The following ANXA4 variants were observed in gnomAD, a reference collection of about 807,000 sequenced individuals.
ANXA4 encodes the protein 35-beta calcimedin.
A neutral mutation model predicts 49.8 loss-of-function variants in ANXA4; 39 were observed. That is an observed-to-expected ratio of 0.78 (90% CI 0.61 to 1.02). The LOEUF (loss-of-function observed/expected upper bound fraction) is 1.02, where lower values mean the gene tolerates loss of function less well. Among genes scored for constraint, ANXA4 ranks in the 50% least tolerant of loss-of-function variants. The probability of loss-of-function intolerance (pLI) is 0.00; values close to 1 mark genes in which losing one functional copy is unlikely to be tolerated. For missense variants in ANXA4, 360 were observed against 410.1 expected (o/e 0.88, Z 1.05); for synonymous variants, 134 against 152.5 (o/e 0.88, Z 0.89).
At chr2:69,705,712 A>T (rs1037183341) in intron 2 of ANXA4, among the ~76,000 whole-genome samples, 1 of 152,174 alleles carries the variant, frequency 6.6e-6, no homozygotes, top group Non-Finnish European at 1.5e-5. Flanking sequence ...CGGGTGGATC[A>T]CTTGAGGTCA....
chr2:69,710,319 A>G (rs1678637860), intron 2 of ANXA4, among the ~76,000 whole-genome samples: 1 of 152,146 alleles, frequency 6.6e-6, no homozygotes, highest in African/African-American at 2.4e-5. Context: ...TGCTGATATT[A>G]TATGTAATTT....
intron 3 of ANXA4, 101 bp downstream of exon 3, chr2:69,788,242 T>A: frequency 9.4e-7 from 1 of 1,063,800 alleles, no homozygotes; most frequent in Non-Finnish European, 1.4e-6. Flanking sequence ...GGTCTTCCTT[T>A]AATAAAACAC....
chr2:69,711,492 G>A (rs969166493), intron 2 of ANXA4, among the ~76,000 whole-genome samples: 1 of 152,154 alleles, frequency 6.6e-6, no homozygotes, highest in African/African-American at 2.4e-5. Flanking sequence ...TTTAGAAAAG[G>A]CAAAACTATA....
chr2:69,801,843 C>T (rs1673207986), intron 3 of ANXA4, among the ~76,000 whole-genome samples: 2 of 152,302 alleles, frequency 1.3e-5, no homozygotes, highest in South Asian at 2.1e-4. Context: ...ACTGAGAAAG[C>T]ACCCATAAGA....
At chr2:69,784,908 C>A (rs1672351553) in intron 2 of ANXA4, among the ~76,000 whole-genome samples, 1 of 152,170 alleles carries the variant, frequency 6.6e-6, no homozygotes, top group Admixed American at 6.5e-5. Context: ...ATAAGGACAC[C>A]AGTCGTATTG....
At chr2:69,661,101 C>T (rs1197097172) in intron 2 of ANXA4, among the ~76,000 whole-genome samples, 1 of 151,572 alleles carries the variant, frequency 6.6e-6, no homozygotes, top group Non-Finnish European at 1.5e-5. Flanking sequence ...GACAACAATA[C>T]AGGCCAGAAA....
Position 69,793,122 on chromosome 2 carries a change from C to T in ANXA4, c.97+4981C>T, listed in dbSNP as rs6711085. Reference sequence around the variant, plus strand: ...CAAAAATTAGATGGATGTGGTGGCGCGTGCCTGTAATCCCAGCTACTCAGG... The same window carrying T: ...CAAAAATTAGATGGATGTGGTGGCGTGTGCCTGTAATCCCAGCTACTCAGG... On this transcript the variant is annotated intron_variant, in intron 3 of 12. Transcript: ENST00000394295. Among the ~76,000 whole-genome samples the T allele has an allele frequency of 8.4e-3, 1,284 of 152,036 alleles. 27 individuals carry two copies. The highest frequency in any genetic ancestry group is 0.03 in the African/African-American group (1,238 of 41,448).
intron 1 of ANXA4, among the ~76,000 whole-genome samples, chr2:69,772,392 A>G (rs906433718): frequency 6.6e-6 from 1 of 152,260 alleles, no homozygotes; most frequent in Non-Finnish European, 1.5e-5. Context: ...TGCTAAGAGC[A>G]TGGCACTGCG....
chr2:69,673,652 T>C (rs1445715573), intron 2 of ANXA4, among the ~76,000 whole-genome samples: 2 of 150,816 alleles, frequency 1.3e-5, no homozygotes, highest in Non-Finnish European at 2.9e-5. Flanking sequence ...ACTTAAAGTA[T>C]ATTAAAAAAA....
At chr2:69,779,437 C>T (rs1242211669) in intron 1 of ANXA4, among the ~76,000 whole-genome samples, 2 of 152,048 alleles carry the variant, frequency 1.3e-5, no homozygotes, top group Non-Finnish European at 2.9e-5. Context: ...AGTAAATCTA[C>T]ACAGTCCATG....
chr2:69,745,750 C>G (rs1437603170), intron 1 of ANXA4, among the ~76,000 whole-genome samples: 1 of 152,038 alleles, frequency 6.6e-6, no homozygotes, highest in South Asian at 2.1e-4. Flanking sequence ...AGGCTGGTCT[C>G]GAACTCCTGA....
chr2:69,668,419 T>G (rs1363878734), intron 2 of ANXA4, among the ~76,000 whole-genome samples: 1 of 152,104 alleles, frequency 6.6e-6, no homozygotes, highest in East Asian at 1.9e-4. Context: ...AAGACCAGCC[T>G]GGGGCAACAT....
At chr2:69,785,511 CATT>C (rs1444299643) in intron 2 of ANXA4, among the ~76,000 whole-genome samples, 3 of 151,736 alleles carry the variant, frequency 2.0e-5, no homozygotes, top group Non-Finnish European at 4.4e-5. Flanking sequence ...AAAAGAATCT[CATT>C]ATTTTATTTA....
intron 2 of ANXA4, among the ~76,000 whole-genome samples, chr2:69,699,988 G>A (rs1028239491): frequency 3.3e-5 from 5 of 152,230 alleles, no homozygotes; most frequent in Admixed American, 1.3e-4. Context: ...AGGCAGTTAA[G>A]TTAGTCAGGA....
At chr2:69,782,190 G>A (rs1020493381) in intron 2 of ANXA4, among the ~76,000 whole-genome samples, 5 of 152,054 alleles carry the variant, frequency 3.3e-5, no homozygotes, top group African/African-American at 7.2e-5. Context: ...GCCCAAATAC[G>A]GTTTCTGAAT....
At chr2:69,651,703 C>A (rs961764244) in intron 1 of ANXA4, among the ~76,000 whole-genome samples, 3 of 151,490 alleles carry the variant, frequency 2.0e-5, no homozygotes, top group Non-Finnish European at 2.9e-5. Flanking sequence ...AGCGTTTCAC[C>A]ATGTTAGTCA....
intron 1 of ANXA4, among the ~76,000 whole-genome samples, chr2:69,744,721 G>A (rs548118561): frequency 5.3e-5 from 8 of 152,214 alleles, no homozygotes; most frequent in African/African-American, 1.9e-4. Context: ...ATAATCCTTG[G>A]TCAAGTTCAG....
chr2:69,813,758 C>T (rs2312556), intron 8 of ANXA4, among the ~76,000 whole-genome samples: 33,703 of 81,668 alleles, frequency 0.41, 7,436 homozygotes, highest in African/African-American at 0.7. Flanking sequence ...CTCTCTCTCT[C>T]TTTTTTTTTT....
At chr2:69,822,576 A>G (rs1489057838) in intron 12 of ANXA4, among the ~76,000 whole-genome samples, 1 of 152,212 alleles carries the variant, frequency 6.6e-6, no homozygotes, top group African/African-American at 2.4e-5. Context: ...AATGATATTC[A>G]ATGGTACGCT....
Sources: gnomAD v4.1 joint callset for allele counts (sites outside exome capture counted in the v4.1 genomes callset) on GRCh38, gnomAD v4.1.1 for gene constraint, MANE v1.5 for transcripts, NCBI Gene and HGNC (gene_info 2026-07-23, HGNC 2026-07-21) for gene names.